Variants in FCHSD2 observed in about 807,000 individuals in gnomAD.
FCHSD2 encodes FCH and double SH3 domains 2.
FCHSD2 carries 38 observed loss-of-function variants against 108.1 expected under a neutral mutation model. The ratio of observed to expected loss-of-function variants is 0.35; its 90% CI spans 0.27 to 0.46. FCHSD2 has a LOEUF of 0.46. Ranked by LOEUF, FCHSD2 falls within the 20% of genes least tolerant of loss-of-function variation. The pLI, the probability that FCHSD2 is intolerant of heterozygous loss-of-function variation, is 1.00. For synonymous variants in FCHSD2, 279 were observed against 314.7 expected (o/e 0.89, Z 1.20); for missense variants, 751 against 897.8 (o/e 0.84, Z 2.09).
chr11:72,978,302 A>G (rs1173118641), intron 8 of FCHSD2, among the ~76,000 whole-genome samples: 1 of 152,166 alleles, frequency 6.6e-6, no homozygotes, highest in Non-Finnish European at 1.5e-5. Context: ...CAGAACTTAA[A>G]GTATAATAAA....
At chr11:73,075,136 G>A (rs1052865511) in intron 3 of FCHSD2, among the ~76,000 whole-genome samples, 5 of 152,102 alleles carry the variant, frequency 3.3e-5, no homozygotes, top group African/African-American at 1.2e-4. Context: ...AGGCTAAAAT[G>A]AAAACCACAG....
At chr11:72,964,455 C>G (rs1159874836) in intron 8 of FCHSD2, among the ~76,000 whole-genome samples, 1 of 152,162 alleles carries the variant, frequency 6.6e-6, no homozygotes, top group African/African-American at 2.4e-5. Context: ...TATTCCTTCC[C>G]CTTTGTGCTA....
intron 3 of FCHSD2, among the ~76,000 whole-genome samples, chr11:73,017,169 A>G (rs147448318): frequency 7.4e-4 from 112 of 152,232 alleles, no homozygotes; most frequent in Middle Eastern, 3.4e-3. Flanking sequence ...TTTTTAGTAG[A>G]CACAGTGTTT....
intron 2 of FCHSD2, among the ~76,000 whole-genome samples, chr11:73,128,857 G>T (rs1013098056): frequency 6.6e-6 from 1 of 152,048 alleles, no homozygotes; most frequent in Non-Finnish European, 1.5e-5. Context: ...AATAAGTCAG[G>T]CTATAATTTC....
At chr11:73,033,938 G>GTTAA (rs112825943) in intron 3 of FCHSD2, among the ~76,000 whole-genome samples, 7,491 of 152,150 alleles carry the variant, frequency 0.049, 499 homozygotes, top group African/African-American at 0.15. Flanking sequence ...ATTCAATAAT[G>GTTAA]TTGTTTTAAA....
chr11:72,900,767 CTACT>C (rs1175436492), intron 10 of FCHSD2, among the ~76,000 whole-genome samples: 13 of 151,742 alleles, frequency 8.6e-5, no homozygotes, highest in African/African-American at 2.2e-4. Flanking sequence ...GCTAACAGAG[CTACT>C]TAAAGTATAA....
chr11:73,087,042 C>A (rs1859832913), intron 2 of FCHSD2, among the ~76,000 whole-genome samples: 1 of 152,182 alleles, frequency 6.6e-6, no homozygotes, highest in Non-Finnish European at 1.5e-5. Flanking sequence ...AGGAGGTATA[C>A]CAGAAAAAGG....
chr11:73,044,052 T>A (rs1464992830), intron 3 of FCHSD2, among the ~76,000 whole-genome samples: 2 of 152,200 alleles, frequency 1.3e-5, no homozygotes, highest in Non-Finnish European at 2.9e-5. Flanking sequence ...AATTAGCCTA[T>A]CCAAATGAAC....
At chr11:72,994,099 G>C (rs929151862) in intron 5 of FCHSD2, among the ~76,000 whole-genome samples, 1 of 152,090 alleles carries the variant, frequency 6.6e-6, no homozygotes, top group Non-Finnish European at 1.5e-5. Flanking sequence ...TCCTAGACCT[G>C]TCACTTGGAG....
intron 5 of FCHSD2, among the ~76,000 whole-genome samples, chr11:72,990,035 A>G (rs1857380671): frequency 6.6e-6 from 1 of 152,188 alleles, no homozygotes; most frequent in Admixed American, 6.5e-5. Flanking sequence ...AGACTTTCCC[A>G]GAAGCTGTTA....
At chr11:72,871,717 C>T (rs1326135929) in intron 12 of FCHSD2, among the ~76,000 whole-genome samples, 1 of 151,292 alleles carries the variant, frequency 6.6e-6, no homozygotes, top group Non-Finnish European at 1.5e-5. Context: ...GAATAGATAG[C>T]CACTGCACTC....
intron 17 of FCHSD2, among the ~76,000 whole-genome samples, chr11:72,841,798 T>G (rs1012723591): frequency 6.6e-6 from 1 of 152,224 alleles, no homozygotes; most frequent in Admixed American, 6.5e-5. Flanking sequence ...TCTCATCACA[T>G]TACTGATTTT....
rs1160197790 is a variant in FCHSD2, at chr11:73,021,120, TC to T, written c.166-5236del. Among the ~76,000 whole-genome samples the T allele has an allele frequency of 3.3e-5, 5 of 151,886 alleles. 1 individual carries two copies. Among genetic ancestry groups the T allele is most frequent in the African/African-American group, 1.2e-4 (5 of 41,408 alleles). On this transcript the variant is annotated intron_variant, in intron 3 of 19. Transcript: ENST00000409418. ...CTGAACTCCTGGCCTCAAGTAATGC[TC>T]CCACCTCTGCCTCCCAAAGGGCTGG...
At chr11:72,968,925 C>T (rs1231152284) in intron 8 of FCHSD2, among the ~76,000 whole-genome samples, 3 of 152,182 alleles carry the variant, frequency 2.0e-5, no homozygotes, top group Non-Finnish European at 4.4e-5. Flanking sequence ...ACCCAGTTAT[C>T]CTTTCCTTCA....
At chr11:73,135,803 C>G (rs1861107296) in intron 2 of FCHSD2, among the ~76,000 whole-genome samples, 1 of 152,058 alleles carries the variant, frequency 6.6e-6, no homozygotes, top group Admixed American at 6.5e-5. Context: ...GGGAGGAGAA[C>G]AAAGGAGAAA....
intron 8 of FCHSD2, among the ~76,000 whole-genome samples, chr11:72,965,370 C>T (rs921598998): frequency 3.3e-5 from 5 of 152,164 alleles, no homozygotes; most frequent in African/African-American, 9.7e-5. Context: ...CTCTTCTATG[C>T]ACTAAAACAC....
At position 72,840,931 on chromosome 11, in the gene FCHSD2, T is replaced by G. The variant is rs139969359; in HGVS notation, c.2085A>C (p.Gly695=). Residue 695 remains glycine, a synonymous_variant, in exon 19 of 20, where the codon GGA becomes GGC. Transcript: ENST00000409418. The part of the protein sequence containing the change: ...NEKSLHAESP[G]FSQASRHTPE... ...GAGTATGCCTTGATGCCTGTGAGAATCCTGGTGACTCAGCATGAAGGCTTT... is the reference window on the plus strand; with the variant it reads ...GAGTATGCCTTGATGCCTGTGAGAAGCCTGGTGACTCAGCATGAAGGCTTT... 6.2e-7 allele frequency: 1 copy of G among 1,613,230 alleles called. No homozygotes were observed. Among genetic ancestry groups the G allele is most frequent in the African/African-American group, 1.3e-5 (1 of 74,916 alleles).
At chr11:72,905,455 A>G (rs1302803059) in intron 9 of FCHSD2, among the ~76,000 whole-genome samples, 2 of 152,148 alleles carry the variant, frequency 1.3e-5, no homozygotes, top group Non-Finnish European at 2.9e-5. Context: ...TATTTTTATT[A>G]TACTTTCAGT....
At chr11:72,944,358 T>G (rs9733917) in intron 8 of FCHSD2, among the ~76,000 whole-genome samples, 151,697 of 152,220 alleles carry the variant, frequency 1, 75,589 homozygotes, top group Middle Eastern at 1. Flanking sequence ...AACGCTTCAT[T>G]CTAAAAACTC....
Sources: allele counts gnomAD v4.1 joint callset (sites outside exome capture counted in the v4.1 genomes callset), GRCh38; gene constraint gnomAD v4.1.1; transcripts MANE v1.5; gene names NCBI Gene and HGNC (gene_info 2026-07-23, HGNC 2026-07-21).